Variants in PCDHGA6 observed in about 807,000 individuals in gnomAD.
PCDHGA6 encodes protocadherin gamma-A6.
In PCDHGA6, 41 loss-of-function variants were observed where a neutral mutation model predicts 60.6. The ratio of observed to expected loss-of-function variants is 0.68; its 90% CI spans 0.53 to 0.88. The LOEUF (loss-of-function observed/expected upper bound fraction) is 0.88. PCDHGA6 is among the 40% of genes least tolerant of loss of function. PCDHGA6 has a pLI of 0.00. For synonymous variants in PCDHGA6, 594 were observed against 524.4 expected (o/e 1.13, Z -1.81); for missense variants, 1,312 against 1,203.0 (o/e 1.09, Z -1.34).
In PCDHGA6 at chr5:141,489,561, G is replaced by A. The variant is rs1750812409; in HGVS notation, c.2425-5246G>A. 6.2e-7 allele frequency: 1 copy of A among 1,614,106 alleles called. No homozygotes were observed. Among genetic ancestry groups the A allele is most frequent in the Non-Finnish European group, 8.5e-7 (1 of 1,180,026 alleles). On this transcript the variant is annotated intron_variant, in intron 1 of 3. Coordinates refer to ENST00000517434, the MANE Select transcript of PCDHGA6 (RefSeq NM_018919.3). The surrounding 1 kb of genome is among the most constrained non-coding windows in gnomAD (Gnocchi z 4.5). Reference sequence around the variant, plus strand: ...GCACCAGCTGCCTGCTGCCAGTGCAGGTGGTGACTGAACACCCCCTGGAGC... The same window carrying A: ...GCACCAGCTGCCTGCTGCCAGTGCAAGTGGTGACTGAACACCCCCTGGAGC...
Position 141,391,341 on chromosome 5 carries a change from CTCTG to C in PCDHGA6, c.2424+14840_2424+14843del, listed in dbSNP as rs1256271403. Reference sequence around the variant, plus strand: ...TCTTTTTTTTTTTTTGAGACAGAGTCTCTGTCTGTTACTCAGGCTGTAGTGCAGT... The same window carrying C: ...TCTTTTTTTTTTTTTGAGACAGAGTCTCTGTTACTCAGGCTGTAGTGCAGT... On this transcript the variant is annotated intron_variant, in intron 1 of 3. Transcript: ENST00000517434. 2.1e-5 allele frequency: 3 copies of C among 145,162 alleles called. No individual in the cohort carries two copies. In the South Asian group the frequency reaches 6.5e-4, roughly 32 times the overall value. The allele number at this position is 145,162 out of a possible 1,614,324, so 9.0% of individuals were successfully genotyped here.
At position 141,486,209 on chromosome 5, in the gene PCDHGA6, A is replaced by G. The variant is rs749965379; in HGVS notation, c.2425-8598A>G. 1.2e-6 allele frequency: 2 copies of G among 1,614,080 alleles called. No homozygotes were observed. The highest frequency in any genetic ancestry group is 1.7e-6 in the Non-Finnish European group (2 of 1,179,988). ...AGTGGATCTGCTGGACGTAAATGAC[A>G]ATGCCCCTTACATCACAGTGACCTC... On this transcript the variant is annotated intron_variant, in intron 1 of 3. Transcript: ENST00000517434. The surrounding 1 kb of genome is among the most constrained non-coding windows in gnomAD (Gnocchi z 5.0).
chr5:141,475,741 G>C (rs1455125695), intron 1 of PCDHGA6, among the ~76,000 whole-genome samples: 1 of 152,268 alleles, frequency 6.6e-6, no homozygotes, highest in Non-Finnish European at 1.5e-5. Flanking sequence ...CCCTAAGGTA[G>C]GTTTCCTATG....
At chr5:141,421,296 G>C in intron 1 of PCDHGA6, 1 of 1,613,444 alleles carries the variant, frequency 6.2e-7, no homozygotes, top group Non-Finnish European at 8.5e-7. Context: ...TCCTGGGGAC[G>C]CTGCGGGGGT....
At chr5:141,483,980 G>A (rs1379963326) in intron 1 of PCDHGA6, among the ~76,000 whole-genome samples, 4 of 148,294 alleles carry the variant, frequency 2.7e-5, no homozygotes, top group Non-Finnish European at 5.9e-5. Flanking sequence ...CAAGGGAGTA[G>A]CTAGGTTGCT....
At position 141,431,338 on chromosome 5, in the gene PCDHGA6, A is replaced by G; in HGVS notation, c.2424+54831A>G. On this transcript the variant is annotated intron_variant, in intron 1 of 3. Transcript: ENST00000517434. This position sits in a 1 kb window ranked among gnomAD's most constrained non-coding sequence, Gnocchi z 4.8. ...GAGCCGACGGTAGTAAGTACCCCGA[A>G]TTGGTGCTGAAACGCGCCCTGGACC... 1 of 1,614,068 alleles carries G rather than the reference A, an allele frequency of 6.2e-7. No homozygotes were observed. The highest frequency in any genetic ancestry group is 8.5e-7 in the Non-Finnish European group (1 of 1,180,032).
intron 1 of PCDHGA6, chr5:141,393,894 C>T (rs201697840): frequency 6.2e-7 from 1 of 1,614,000 alleles, no homozygotes. Flanking sequence ...AGAAAATTCT[C>T]TTCCCGGGAC....
intron 1 of PCDHGA6, chr5:141,404,057 T>C (rs558471539): frequency 1.2e-5 from 19 of 1,613,894 alleles, no homozygotes; most frequent in Non-Finnish European, 1.4e-5. Context: ...AATTCTTCTT[T>C]TCAATGCTCA....
chr5:141,423,708 T>A (rs1384948123), intron 1 of PCDHGA6: 23 of 1,349,902 alleles, frequency 1.7e-5, no homozygotes, highest in Non-Finnish European at 2.2e-5. Flanking sequence ...TTGGCACAAG[T>A]CTTTTAAGGA....
intron 1 of PCDHGA6, chr5:141,382,596 AATTTTCT>A (rs1778321594): frequency 3.9e-6 from 1 of 254,502 alleles, no homozygotes; most frequent in Non-Finnish European, 7.4e-6. Flanking sequence ...AAGATGAAAC[AATTTTCT>A]ATGAAATCAG....
chr5:141,485,374 T>A lies in PCDHGA6; in HGVS notation c.2425-9433T>A. Reference sequence around the variant, plus strand: ...TGTCAGCTCGCAGGCTGCAGGTCGCTGGAGAGGTGAACCAAAGACACTTCC... The same window carrying A: ...TGTCAGCTCGCAGGCTGCAGGTCGCAGGAGAGGTGAACCAAAGACACTTCC... On this transcript the variant is annotated intron_variant, in intron 1 of 3. Coordinates refer to ENST00000517434, the MANE Select transcript of PCDHGA6 (RefSeq NM_018919.3). The surrounding 1 kb of genome is among the most constrained non-coding windows in gnomAD (Gnocchi z 5.7). The A allele has an allele frequency of 1.2e-6, 2 of 1,614,082 alleles. No homozygotes were observed. Among genetic ancestry groups the A allele is most frequent in the Non-Finnish European group, 1.7e-6 (2 of 1,179,998 alleles).
chr5:141,377,336 T>A (rs1773892905), intron 1 of PCDHGA6: 1 of 152,194 alleles, frequency 6.6e-6, no homozygotes, highest in South Asian at 2.1e-4. Context: ...GCTAGCATGG[T>A]GGTTCACGCC....
At chr5:141,407,961 A>C in intron 1 of PCDHGA6, 1 of 672,320 alleles carries the variant, frequency 1.5e-6, no homozygotes, top group Non-Finnish European at 2.4e-6. Context: ...AGTGCAGAGC[A>C]AGCGCTGACG....
intron 1 of PCDHGA6, among the ~76,000 whole-genome samples, chr5:141,460,684 T>C (rs1417815686): frequency 6.6e-6 from 1 of 152,074 alleles, no homozygotes; most frequent in Non-Finnish European, 1.5e-5. Context: ...TATCTATATA[T>C]CCACCAACAG....
At chr5:141,468,924 C>G (rs1434433938) in intron 1 of PCDHGA6, among the ~76,000 whole-genome samples, 1 of 150,520 alleles carries the variant, frequency 6.6e-6, no homozygotes, top group Non-Finnish European at 1.5e-5. Context: ...GAGAATAGCA[C>G]TAAAATGGGA....
At chr5:141,428,082 G>C (rs776612130) in intron 1 of PCDHGA6, 2 of 1,609,030 alleles carry the variant, frequency 1.2e-6, no homozygotes, top group Non-Finnish European at 8.5e-7. Flanking sequence ...GGGACACAAC[G>C]CTTGGCTGTC....
In PCDHGA6 at chr5:141,428,425, T is replaced by A. The variant is rs1193842204; in HGVS notation, c.2424+51918T>A. ...GGGTTGCTTTCACCCTGGTCTCTGT[T>A]CTAAGACTAGACCAGGGGTTTTTCC... On this transcript the variant is annotated intron_variant, in intron 1 of 3. Transcript: ENST00000517434. 4 of 436,598 alleles carry A rather than the reference T, an allele frequency of 9.2e-6. No homozygotes were observed. In the East Asian group the frequency reaches 1.9e-4, roughly 21 times the overall value. 27.0% of individuals were successfully genotyped at this position (436,598 alleles called of 1,614,324 possible). A position where few individuals can be genotyped will look rare whatever the true frequency, so the allele number is the denominator to read the frequency against.
chr5:141,477,551 C>A lies in PCDHGA6; in HGVS notation c.2425-17256C>A. The A allele has an allele frequency of 6.2e-7, 1 of 1,614,178 alleles. No homozygotes were observed. The highest frequency in any genetic ancestry group is 1.3e-5 in the African/African-American group (1 of 75,032). ...CCTCCCCGGGGCTCCAATACTAAAC[C>A]TAAGTGTCTGGGACCCCGACGCCCC... is the stretch of plus-strand genomic sequence containing the variant. On this transcript the variant is annotated intron_variant, in intron 1 of 3. Transcript: ENST00000517434. The surrounding 1 kb of genome is among the most constrained non-coding windows in gnomAD (Gnocchi z 4.9).
At position 141,486,785 on chromosome 5, in the gene PCDHGA6, C is replaced by T. The variant is rs763174232; in HGVS notation, c.2425-8022C>T. 1.2e-5 allele frequency: 20 copies of T among 1,614,102 alleles called. No homozygotes were observed. The highest frequency in any genetic ancestry group is 5.3e-5 in the African/African-American group (4 of 74,936). On this transcript the variant is annotated intron_variant, in intron 1 of 3. Transcript: ENST00000517434. This position sits in a 1 kb window ranked among gnomAD's most constrained non-coding sequence, Gnocchi z 5.0. ...GACACTGCAGTTTGAGGTGCAGGCC[C>T]GGGATCGGGGCAACCCACCCCTTAG...
Sources: gnomAD v4.1 joint callset for allele counts (sites outside exome capture counted in the v4.1 genomes callset) on GRCh38, gnomAD v4.1.1 for gene constraint, Gnocchi (gnomAD v3.1) non-coding constraint, MANE v1.5 for transcripts, NCBI Gene and HGNC (gene_info 2026-07-23, HGNC 2026-07-21) for gene names.